Variants in CACNB2 observed in about 807,000 individuals in gnomAD.
The protein encoded by CACNB2 is voltage-dependent L-type calcium channel subunit beta-2.
CACNB2 carries 42 observed loss-of-function variants against 73.3 expected under a neutral mutation model. The observed-to-expected ratio is 0.57, with a 90% CI of 0.45 to 0.74. The LOEUF (loss-of-function observed/expected upper bound fraction) is 0.74, where lower values mean the gene tolerates loss of function less well. Ranked by LOEUF, CACNB2 falls within the 30% of genes least tolerant of loss-of-function variation. The pLI, the probability that CACNB2 is intolerant of heterozygous loss-of-function variation, is 0.00. For synonymous variants in CACNB2, 348 were observed against 310.3 expected (o/e 1.12, Z -1.28); for missense variants, 940 against 853.0 (o/e 1.10, Z -1.27).
intron 2 of CACNB2, among the ~76,000 whole-genome samples, chr10:18,164,726 C>G (rs2032722513): frequency 6.6e-6 from 1 of 151,776 alleles, no homozygotes; most frequent in Non-Finnish European, 1.5e-5. Flanking sequence ...TGTGTTTAGT[C>G]TTTTTTACTC....
At chr10:18,422,761 G>A (rs559743741) in intron 3 of CACNB2, among the ~76,000 whole-genome samples, 5 of 152,136 alleles carry the variant, frequency 3.3e-5, no homozygotes, top group South Asian at 2.1e-4. Context: ...GTGCAATGGC[G>A]GATCTCAGCT....
At chr10:18,308,588 G>C (rs1239413662) in intron 2 of CACNB2, among the ~76,000 whole-genome samples, 1 of 152,166 alleles carries the variant, frequency 6.6e-6, no homozygotes, top group African/African-American at 2.4e-5. Flanking sequence ...AAATGGCAAT[G>C]CTGTAAAAGC....
intron 1 of CACNB2, among the ~76,000 whole-genome samples, chr10:18,146,526 G>A (rs1377951870): frequency 1.3e-5 from 2 of 151,780 alleles, no homozygotes; most frequent in Non-Finnish European, 2.9e-5. Context: ...CACTCAGGCT[G>A]GAGTGCAGTG....
intron 2 of CACNB2, among the ~76,000 whole-genome samples, chr10:18,387,991 A>G (rs1480256837): frequency 3.3e-5 from 5 of 152,128 alleles, no homozygotes; most frequent in African/African-American, 4.8e-5. Flanking sequence ...TGCCGAGCTC[A>G]AGCAATCCTC....
intron 1 of CACNB2, among the ~76,000 whole-genome samples, chr10:18,147,322 T>C (rs190179483): frequency 2.0e-5 from 3 of 152,346 alleles, no homozygotes; most frequent in Admixed American, 6.5e-5. Flanking sequence ...AGAATTTTTT[T>C]CCCTAGTTTC....
intron 2 of CACNB2, among the ~76,000 whole-genome samples, chr10:18,398,885 G>T (rs1272542022): frequency 6.6e-6 from 1 of 152,116 alleles, no homozygotes; most frequent in Non-Finnish European, 1.5e-5. Flanking sequence ...GTTTTTAACT[G>T]CTATTTAAAC....
intron 2 of CACNB2, among the ~76,000 whole-genome samples, chr10:18,155,957 A>G (rs971509834): frequency 1.2e-4 from 18 of 151,854 alleles, no homozygotes; most frequent in Admixed American, 3.9e-4. Context: ...ATATCACATT[A>G]TATACATGAA....
intron 2 of CACNB2, among the ~76,000 whole-genome samples, chr10:18,227,094 A>G (rs923327103): frequency 1.3e-5 from 2 of 152,162 alleles, no homozygotes; most frequent in Non-Finnish European, 2.9e-5. Context: ...ATAATGATAA[A>G]ACAACACGTT....
chr10:18,517,357 C>A lies in CACNB2; in HGVS notation c.805-979C>A, dbSNP rs529466731. On this transcript the variant is annotated intron_variant, in intron 7 of 13. Transcript: ENST00000324631. Reference sequence around the variant, plus strand: ...CAAAAGAGCCAATTTTAATATAAACCAATTTGCTGTTACCTAATTTTTGGA... The same window carrying A: ...CAAAAGAGCCAATTTTAATATAAACAAATTTGCTGTTACCTAATTTTTGGA... 3.3e-5 allele frequency among the ~76,000 whole-genome samples: 5 copies of A among 152,070 alleles called. No homozygotes were observed. The South Asian group carries it at 1.0e-3, about 32-fold the overall frequency.
rs560347514 is a variant in CACNB2 at position 18,279,647 on chromosome 10, A to T, written c.214-122277A>T. ...TTTAGTTACTAAATCATCCAAAGAG[A>T]AGTTATCATAAGAAGTATCATGACC... On this transcript the variant is annotated intron_variant, in intron 2 of 13. Transcript: ENST00000324631. Among the ~76,000 whole-genome samples, 44 of 152,346 alleles carry T rather than the reference A, an allele frequency of 2.9e-4. 1 individual carries two copies. The South Asian group carries it at 8.9e-3, about 31-fold the overall frequency.
chr10:18,332,522 G>T (rs558966550), intron 2 of CACNB2, among the ~76,000 whole-genome samples: 3 of 152,256 alleles, frequency 2.0e-5, no homozygotes, highest in African/African-American at 4.8e-5. Flanking sequence ...ATCCAACCTC[G>T]CAGAAACAAA....
intron 3 of CACNB2, among the ~76,000 whole-genome samples, chr10:18,497,208 T>TAAA (rs11421435): frequency 3.4e-4 from 41 of 118,928 alleles, no homozygotes; most frequent in African/African-American, 4.7e-4. Context: ...TAAGACTCTG[T>TAAA]AAAAAAAAAA....
chr10:18,433,543 T>G (rs1443426685), intron 3 of CACNB2, among the ~76,000 whole-genome samples: 1 of 151,968 alleles, frequency 6.6e-6, no homozygotes, highest in Non-Finnish European at 1.5e-5. Flanking sequence ...TATTATAGAG[T>G]GTTAAGGAGG....
At chr10:18,414,014 T>C (rs73603769) in intron 3 of CACNB2, among the ~76,000 whole-genome samples, 6,751 of 152,310 alleles carry the variant, frequency 0.044, 492 homozygotes, top group African/African-American at 0.15. Flanking sequence ...TTTTACATGG[T>C]CACTATCAGC....
At chr10:18,220,252 G>T (rs1467852767) in intron 2 of CACNB2, among the ~76,000 whole-genome samples, 3 of 119,130 alleles carry the variant, frequency 2.5e-5, no homozygotes, top group South Asian at 2.8e-4. Flanking sequence ...GAGAGAGAGA[G>T]AGAGAGAGAG....
chr10:18,312,827 A>C (rs1244635775), intron 2 of CACNB2, among the ~76,000 whole-genome samples: 2 of 152,206 alleles, frequency 1.3e-5, no homozygotes, highest in South Asian at 2.1e-4. Context: ...GGGCATTCAA[A>C]TGGCATCCAG....
At chr10:18,250,931 C>A (rs58689896) in intron 2 of CACNB2, among the ~76,000 whole-genome samples, 1 of 152,202 alleles carries the variant, frequency 6.6e-6, no homozygotes, top group African/African-American at 2.4e-5. Context: ...GAGGAAAAGC[C>A]GTTTGCTTTA....
chr10:18,309,521 G>T (rs891953436), intron 2 of CACNB2, among the ~76,000 whole-genome samples: 1 of 152,098 alleles, frequency 6.6e-6, no homozygotes, highest in Non-Finnish European at 1.5e-5. Flanking sequence ...GCAATGGTGC[G>T]ATCTCGGCTC....
intron 2 of CACNB2, among the ~76,000 whole-genome samples, chr10:18,266,334 A>C (rs1211259337): frequency 6.6e-6 from 1 of 152,208 alleles, no homozygotes; most frequent in African/African-American, 2.4e-5. Context: ...TTCCATGTAT[A>C]GTGCTTTGGT....
Sources: gnomAD v4.1 joint callset for allele counts (sites outside exome capture counted in the v4.1 genomes callset) on GRCh38, gnomAD v4.1.1 for gene constraint, MANE v1.5 for transcripts, NCBI Gene and HGNC (gene_info 2026-07-23, HGNC 2026-07-21) for gene names.